GGA2: variants seen among roughly 807,000 people sequenced by gnomAD.
The protein encoded by GGA2 is golgi associated, gamma adaptin ear containing, ARF binding protein 2, also known as ADP-ribosylation factor-binding protein GGA2.
In GGA2, 48 loss-of-function variants were observed where a neutral mutation model predicts 79.5. The observed-to-expected ratio is 0.60, with a 90% CI of 0.48 to 0.77. GGA2 has a LOEUF of 0.77. Ranked by LOEUF, GGA2 falls within the 30% of genes least tolerant of loss-of-function variation. The pLI is 0.00. For missense variants in GGA2, 770 were observed against 774.0 expected, an observed-to-expected ratio of 0.99 and a Z score of 0.06; for synonymous variants, 317 against 302.0, an observed-to-expected ratio of 1.05 and a Z score of -0.51.
intron 1 of GGA2, among the ~76,000 whole-genome samples, chr16:23,500,332 A>G (rs1382428543): frequency 6.6e-6 from 1 of 152,250 alleles, no homozygotes; most frequent in African/African-American, 2.4e-5. Flanking sequence ...GAGCTGCCTC[A>G]CGGGGAACAT....
intron 4 of GGA2, among the ~76,000 whole-genome samples, chr16:23,492,643 T>C (rs1045068601): frequency 4.6e-5 from 7 of 152,174 alleles, no homozygotes; most frequent in Non-Finnish European, 7.3e-5. Flanking sequence ...CTTCCATTTG[T>C]ATCCTTTACA....
At chr16:23,476,586 T>G (rs1318881329) in intron 13 of GGA2, among the ~76,000 whole-genome samples, 1 of 152,176 alleles carries the variant, frequency 6.6e-6, no homozygotes, top group East Asian at 1.9e-4. Flanking sequence ...TTATAGAAAC[T>G]GATATGAAAT....
intron 14 of GGA2, among the ~76,000 whole-genome samples, chr16:23,472,436 G>C (rs1186982721): frequency 6.6e-6 from 1 of 151,590 alleles, no homozygotes; most frequent in Non-Finnish European, 1.5e-5. Flanking sequence ...GACCTCAGGT[G>C]CTCCACCCAC....
At chr16:23,481,444 C>T (rs1044388430) in intron 9 of GGA2, among the ~76,000 whole-genome samples, 3 of 152,032 alleles carry the variant, frequency 2.0e-5, no homozygotes, top group East Asian at 1.9e-4. Context: ...AAACTGAGAC[C>T]GAGAGAACTG....
At chr16:23,523,902 C>T (rs1965181084), upstream of GGA2, 1 of 157,464 alleles carries the variant, frequency 6.4e-6, no homozygotes, top group African/African-American at 2.4e-5. Context: ...TGTCTGCAAG[C>T]CAACAAAAGA....
At chr16:23,468,181 C>T (rs1362585461) in intron 16 of GGA2, among the ~76,000 whole-genome samples, 1 of 152,008 alleles carries the variant, frequency 6.6e-6, no homozygotes, top group Non-Finnish European at 1.5e-5. Context: ...GTCTGTCTGT[C>T]TATCTATCTA....
chr16:23,487,402 TAG>T lies in GGA2; in HGVS notation c.580-614_580-613del, dbSNP rs1964729168. Among the ~76,000 whole-genome samples, 4 of 152,142 alleles carry T rather than the reference TAG, an allele frequency of 2.6e-5. No individual in the cohort carries two copies. The South Asian group carries it at 8.3e-4, about 32-fold the overall frequency. ...GGGGGTGCTACTGGCAGCTCGTGGG[TAG>T]AGTGAGGAATGCTGTGAACATCCTA... On this transcript the variant is annotated intron_variant, in intron 6 of 16. Coordinates refer to ENST00000309859, the MANE Select transcript of GGA2 (RefSeq NM_015044.4).
At chr16:23,510,550 C>T (rs1227009719), upstream of GGA2, 3 of 308,996 alleles carry the variant, frequency 9.7e-6, no homozygotes, top group Non-Finnish European at 1.7e-5. Context: ...ACGCCCACCC[C>T]AGGCCCCCCC....
chr16:23,488,850 A>G, intron 5 of GGA2, 141 bp from the exon 6 acceptor site: 1 of 602,118 alleles, frequency 1.7e-6, no homozygotes, highest in Non-Finnish European at 2.9e-6. Flanking sequence ...GACAACACCC[A>G]GTGTATGAAC....
Position 23,475,009 on chromosome 16 carries a change from A to C in GGA2, c.1345T>G (p.Ser449Ala). 1.2e-6 allele frequency: 2 copies of C among 1,607,968 alleles called. No individual in the cohort carries two copies. Among genetic ancestry groups the C allele is most frequent in the Non-Finnish European group, 1.7e-6 (2 of 1,176,486 alleles). ...VPKEVPPGTK[S>A]SPGWSWEAGP... ...GCCTCCCAGGACCAACCTGGAGAGG[A>C]CTTAGTACCTGGTGGCACTTCCTTG... The change falls in exon 14 of 17, where the codon TCC (serine) becomes GCC (alanine). Residue 449 changes from serine to alanine, a missense_variant. By Grantham distance (99) the Ser-to-Ala change is moderately conservative (BLOSUM62 1). Transcript: ENST00000309859.
intron 6 of GGA2, 89 bp downstream of exon 6, chr16:23,488,517 C>G (rs1030547801): frequency 1.6e-5 from 13 of 814,398 alleles, no homozygotes; most frequent in African/African-American, 3.4e-5. Context: ...AACCTGCCCC[C>G]CTCCATACTC....
At chr16:23,480,291 A>G (rs1348085679) in intron 10 of GGA2, 2 of 309,580 alleles carry the variant, frequency 6.5e-6, no homozygotes, top group Non-Finnish European at 6.1e-6. Flanking sequence ...ACCGCATTTC[A>G]ACCAGTGCTC....
At chr16:23,475,642 G>A (rs963551128) in intron 13 of GGA2, among the ~76,000 whole-genome samples, 24 of 151,346 alleles carry the variant, frequency 1.6e-4, no homozygotes, top group Middle Eastern at 3.4e-3. Context: ...GGTGGCTCAC[G>A]CCTGTAATCC....
Position 23,470,825 on chromosome 16 carries a change from CTTTTTTTT to C in GGA2, c.1451-668_1451-661del, listed in dbSNP as rs36067397. Among the ~76,000 whole-genome samples, 60 of 56,120 alleles carry C rather than the reference CTTTTTTTT, an allele frequency of 1.1e-3. 1 individual carries two copies. Among genetic ancestry groups the C allele is most frequent in the Admixed American group, 2.4e-3 (8 of 3,336 alleles). The allele number at this position is 56,120 out of a possible 152,430, so 36.8% of individuals were successfully genotyped here. ...TTATCATTAAAAAATGAAATAAATG[CTTTTTTTT>C]TTTTTTTTTTTTTTGGACAGACTTT... On this transcript the variant is annotated intron_variant, in intron 14 of 16. Transcript: ENST00000309859.
chr16:23,488,746 G>C (rs1233827013), intron 5 of GGA2, 37 bp from the exon 6 acceptor site: 1 of 1,142,096 alleles, frequency 8.8e-7, no homozygotes, highest in South Asian at 1.2e-5. Flanking sequence ...ACACCGATAT[G>C]GTACCCAGAA....
At chr16:23,521,722 G>A (rs1403933838) in intron 1 of GGA2, 1 of 453,258 alleles carries the variant, frequency 2.2e-6, no homozygotes, top group Non-Finnish European at 4.4e-6. Context: ...AGTCCTAGAG[G>A]TTCATCCATG....
rs1486760578 is a variant in GGA2 at position 23,480,660 on chromosome 16, T to A, written c.991A>T (p.Ile331Phe). The change falls in exon 10 of 17, where the codon ATC becomes TTC. Residue 331 changes from isoleucine (I) to phenylalanine (F), a missense_variant. Physicochemically the swap from Ile to Phe is conservative, Grantham distance 21 (BLOSUM62 0). Coordinates refer to ENST00000309859, the MANE Select transcript of GGA2 (RefSeq NM_015044.4). ...GNRVTSSLGDIPVSRVFQNPA... is the reference protein window; with the variant it reads ...GNRVTSSLGDFPVSRVFQNPA... ...TCAAACATACCTCTGGAGACAGGGA[T>A]GTCTCCCAATGAGCTGGTCACTCTG... 3 of 1,612,718 alleles carry A rather than the reference T, an allele frequency of 1.9e-6. No individual in the cohort carries two copies. The South Asian group carries it at 3.3e-5, about 18-fold the overall frequency.
chr16:23,484,798 C>G (rs1234654287), intron 8 of GGA2, among the ~76,000 whole-genome samples: 1 of 152,212 alleles, frequency 6.6e-6, no homozygotes, highest in Non-Finnish European at 1.5e-5. Flanking sequence ...TGGAAAACAG[C>G]TTGGCAGTTC....
In GGA2 at chr16:23,502,828, A is replaced by T. The variant is rs565353876; in HGVS notation, c.92-7050T>A. Among the ~76,000 whole-genome samples, 8 of 152,360 alleles carry T rather than the reference A, an allele frequency of 5.3e-5. No individual in the cohort carries two copies. The South Asian group carries it at 1.7e-3, about 32-fold the overall frequency. On this transcript the variant is annotated intron_variant, in intron 1 of 16. Transcript: ENST00000309859. ...GAATTTTCTGGCTTCCAAAATAGAA[A>T]GTGCTGAGGATCAACTGCCCCAGAG...
Sources: gnomAD v4.1 joint callset for allele counts (sites outside exome capture counted in the v4.1 genomes callset) on GRCh38, gnomAD v4.1.1 for gene constraint, MANE v1.5 for transcripts, NCBI Gene and HGNC (gene_info 2026-07-23, HGNC 2026-07-21) for gene names.